UBE2Q2: variants seen among roughly 807,000 people sequenced by gnomAD.
UBE2Q2 encodes the protein ubiquitin-conjugating enzyme E2 Q2.
UBE2Q2 carries 54 observed loss-of-function variants against 59.9 expected under a neutral mutation model. The ratio of observed to expected loss-of-function variants is 0.90; its 90% CI spans 0.72 to 1.13. The LOEUF (loss-of-function observed/expected upper bound fraction) is 1.13. Among genes scored for constraint, UBE2Q2 ranks in the 50% most tolerant of loss-of-function variants. UBE2Q2 has a pLI of 0.00. For synonymous variants in UBE2Q2, 165 were observed against 155.2 expected (o/e 1.06, Z -0.47); for missense variants, 433 against 441.9 (o/e 0.98, Z 0.18).
intron 8 of UBE2Q2, among the ~76,000 whole-genome samples, chr15:75,882,469 T>A (rs1009818947): frequency 6.6e-6 from 1 of 152,196 alleles, no homozygotes; most frequent in African/African-American, 2.4e-5. Flanking sequence ...AATTAAATCA[T>A]ACATAATGAA....
chr15:75,855,049 A>G (rs1896829648), intron 2 of UBE2Q2, among the ~76,000 whole-genome samples: 3 of 152,222 alleles, frequency 2.0e-5, no homozygotes, highest in Admixed American at 2.0e-4. Flanking sequence ...AAAATCTCCC[A>G]TAATTTCTCT....
At position 75,883,551 on chromosome 15, in the gene UBE2Q2, C is replaced by T. The variant is rs1289987931; in HGVS notation, c.884+127C>T. 5 of 647,228 alleles carry T rather than the reference C, an allele frequency of 7.7e-6. No individual in the cohort carries two copies. The African/African-American group carries it at 9.4e-5, about 12-fold the overall frequency. 40.1% of individuals were successfully genotyped at this position (647,228 alleles called of 1,614,324 possible). On this transcript the variant is annotated intron_variant, in intron 9 of 12. Coordinates refer to ENST00000267938, the MANE Select transcript of UBE2Q2 (RefSeq NM_173469.4). ...TCCTGGGCTCAAGTGATCCTCCCAC[C>T]TTGGCCTCCCAAAGTGCTGGGATTA... is the stretch of plus-strand genomic sequence containing the variant.
chr15:75,890,548 T>A, intron 10 of UBE2Q2, 65 bp downstream of exon 10: 2 of 1,450,480 alleles, frequency 1.4e-6, no homozygotes, highest in Non-Finnish European at 9.5e-7. Context: ...TAAATTAGAT[T>A]GTAAGTAGAA....
Position 75,878,037 on chromosome 15 carries a change from A to T in UBE2Q2, c.734+16A>T. ...AACTGCAGAAGTAAGTGGCTTTTTA[A>T]TGCTCACCCACTCTTTGCAATGGTA... On this transcript the variant is annotated intron_variant, in intron 7 of 12. Transcript: ENST00000267938. 6.2e-7 allele frequency: 1 copy of T among 1,611,400 alleles called. No homozygotes were observed. The highest frequency in any genetic ancestry group is 8.5e-7 in the Non-Finnish European group (1 of 1,177,844).
intron 6 of UBE2Q2, 75 bp downstream of exon 6, chr15:75,876,346 C>G: frequency 7.7e-7 from 1 of 1,294,740 alleles, no homozygotes; most frequent in Non-Finnish European, 1.1e-6. Context: ...AATGTCATTT[C>G]TTAAAACTGG....
chr15:75,843,846 G>T lies in UBE2Q2; in HGVS notation c.180G>T (p.Thr60=). The change falls in exon 1 of 13, where the codon ACG becomes ACT. Residue 60 remains threonine, a splice_region_variant and synonymous_variant. Coordinates refer to ENST00000267938, the MANE Select transcript of UBE2Q2 (RefSeq NM_173469.4). The part of the protein sequence containing the change: ...PPPLTLHCNI[T]ESYPSSSPIW... ...CACTCACGCTCCACTGCAACATCAC[G>T]GTGAGGCGCCCGGCCGCGGCCCCGC... The T allele has an allele frequency of 6.4e-7, 1 of 1,574,572 alleles. No individual in the cohort carries two copies.
chr15:75,893,236 G>A (rs1469829825), intron 11 of UBE2Q2, among the ~76,000 whole-genome samples: 1 of 152,064 alleles, frequency 6.6e-6, no homozygotes, highest in Admixed American at 6.6e-5. Context: ...AAAATATGAA[G>A]GTACAAAAAG....
At chr15:75,876,470 T>A (rs920829480) in intron 6 of UBE2Q2, among the ~76,000 whole-genome samples, 199 bp downstream of exon 6, 1 of 152,234 alleles carries the variant, frequency 6.6e-6, no homozygotes, top group Non-Finnish European at 1.5e-5. Context: ...TTTGGATTTT[T>A]AAAAAATGTT....
intron 11 of UBE2Q2, among the ~76,000 whole-genome samples, chr15:75,893,519 G>A (rs1229283173): frequency 6.6e-6 from 1 of 152,174 alleles, no homozygotes; most frequent in Non-Finnish European, 1.5e-5. Context: ...CATACCCTGT[G>A]TACTACTAGT....
At chr15:75,893,645 A>G (rs928918693) in intron 11 of UBE2Q2, among the ~76,000 whole-genome samples, 6 of 152,238 alleles carry the variant, frequency 3.9e-5, no homozygotes, top group African/African-American at 1.2e-4. Context: ...TCAAGCATAT[A>G]TGGACTATGG....
intron 10 of UBE2Q2, 90 bp from the exon 11 acceptor site, chr15:75,890,829 T>C: frequency 2.8e-6 from 3 of 1,055,038 alleles, no homozygotes; most frequent in South Asian, 2.9e-5. Flanking sequence ...ACTGATTTGC[T>C]GCTGTTGAGT....
chr15:75,858,098 C>A (rs1048756474), intron 2 of UBE2Q2, among the ~76,000 whole-genome samples: 9 of 152,124 alleles, frequency 5.9e-5, no homozygotes, highest in African/African-American at 2.2e-4. Flanking sequence ...GCCTTGGTCT[C>A]CTCTGATCTC....
chr15:75,894,307 C>T (rs914537204), intron 11 of UBE2Q2, among the ~76,000 whole-genome samples: 6 of 152,132 alleles, frequency 3.9e-5, no homozygotes, highest in Admixed American at 2.0e-4. Context: ...GTGGCTTACT[C>T]CTATAATCCT....
chr15:75,850,324 T>C (rs1386077641), intron 1 of UBE2Q2, among the ~76,000 whole-genome samples: 1 of 152,208 alleles, frequency 6.6e-6, no homozygotes, highest in East Asian at 1.9e-4. Context: ...CCGATGCTTA[T>C]GTGTGTTCCC....
intron 11 of UBE2Q2, among the ~76,000 whole-genome samples, chr15:75,893,029 G>A (rs1260312514): frequency 6.6e-6 from 1 of 152,144 alleles, no homozygotes; most frequent in African/African-American, 2.4e-5. Context: ...GGTGGGGAGA[G>A]ATCAGAATGA....
At chr15:75,855,242 G>A (rs1374009257) in intron 2 of UBE2Q2, among the ~76,000 whole-genome samples, 1 of 152,134 alleles carries the variant, frequency 6.6e-6, no homozygotes. Context: ...TGTAATCTCA[G>A]CACTTTAGGA....
At chr15:75,875,816 C>T (rs1038776179) in intron 5 of UBE2Q2, among the ~76,000 whole-genome samples, 30 of 151,980 alleles carry the variant, frequency 2.0e-4, no homozygotes, top group African/African-American at 7.3e-4. Context: ...AATCCCAGCA[C>T]TTTGGGAGGC....
chr15:75,858,969 T>C (rs1319703857), intron 2 of UBE2Q2, among the ~76,000 whole-genome samples: 2 of 152,146 alleles, frequency 1.3e-5, no homozygotes, highest in Admixed American at 6.5e-5. Context: ...CTTTGTCCTT[T>C]GTAAACCTGC....
rs1229642667 is a variant in UBE2Q2, at chr15:75,860,001, A to G, written c.387+19A>G. On this transcript the variant is annotated intron_variant, in intron 3 of 12. Transcript: ENST00000267938. ...GGGTCAGGTAAAGTAAAAATTCTCT[A>G]GTGTTCAAGAGCTAAATAAATTGTC... is the stretch of plus-strand genomic sequence containing the variant. The G allele has an allele frequency of 1.4e-5, 22 of 1,522,226 alleles. No homozygotes were observed. Among genetic ancestry groups the G allele is most frequent in the Non-Finnish European group, 1.8e-5 (20 of 1,117,092 alleles). The allele number at this position is 1,522,226 out of a possible 1,614,324, so 94.3% of individuals were successfully genotyped here.
Sources: gnomAD v4.1 joint callset for allele counts (sites outside exome capture counted in the v4.1 genomes callset) on GRCh38, gnomAD v4.1.1 for gene constraint, MANE v1.5 for transcripts, NCBI Gene and HGNC (gene_info 2026-07-23, HGNC 2026-07-21) for gene names.